The following SYN3 variants were observed in gnomAD, a reference collection of about 807,000 sequenced individuals.
SYN3 encodes synapsin-3.
Under a neutral mutation model 65.8 loss-of-function variants are expected in SYN3, and 35 were observed. The observed-to-expected ratio is 0.53, with a 90% CI of 0.41 to 0.70. SYN3 has a LOEUF of 0.70. Ranked by LOEUF, SYN3 falls within the 30% of genes least tolerant of loss-of-function variation. The pLI is 0.00. For missense variants in SYN3, 680 were observed against 749.0 expected (o/e 0.91, Z 1.08); for synonymous variants, 270 against 292.9 (o/e 0.92, Z 0.80).
In SYN3 at chr22:32,510,212, C is replaced by T. The variant is rs1004014571; in HGVS notation, c.*3480G>A. 6.6e-5 allele frequency among the ~76,000 whole-genome samples: 10 copies of T among 152,180 alleles called. No individual in the cohort carries two copies. Among genetic ancestry groups the T allele is most frequent in the African/African-American group, 2.2e-4 (9 of 41,448 alleles). On this transcript the variant is annotated 3_prime_UTR_variant, in exon 14 of 14. Coordinates refer to ENST00000358763, the MANE Select transcript of SYN3 (RefSeq NM_003490.4). The stretch of plus-strand genomic sequence containing the variant: ...ACTGTTTCTCATGCAGTGGCTTTCC[C>T]ACAGAGCCCAGCTCAGGTTTGCTGG...
At chr22:32,987,277 G>A (rs1270836325) in intron 2 of SYN3, among the ~76,000 whole-genome samples, 2 of 152,124 alleles carry the variant, frequency 1.3e-5, no homozygotes, top group African/African-American at 4.8e-5. Flanking sequence ...GCAGAAGCAG[G>A]GAAGACAACC....
chr22:32,650,209 T>TTTTCTTTTTCTTTCTTTC (rs1290283709), intron 6 of SYN3, among the ~76,000 whole-genome samples: 11 of 138,270 alleles, frequency 8.0e-5, no homozygotes, highest in African/African-American at 1.5e-4. Flanking sequence ...CTCTTTACAC[T>TTTTCTTTTTCTTTCTTTC]TTTCTTTCTC....
At chr22:32,979,541 C>T (rs181314133) in intron 3 of SYN3, among the ~76,000 whole-genome samples, 73 of 152,182 alleles carry the variant, frequency 4.8e-4, no homozygotes, top group East Asian at 1.9e-4. Context: ...ACAGTCATGC[C>T]CCCCATTTTA....
At chr22:32,635,517 G>C (rs2059803526) in intron 6 of SYN3, among the ~76,000 whole-genome samples, 1 of 152,216 alleles carries the variant, frequency 6.6e-6, no homozygotes, top group Non-Finnish European at 1.5e-5. Context: ...ATTGGGGCCA[G>C]ATATTTGAAA....
intron 6 of SYN3, among the ~76,000 whole-genome samples, chr22:32,774,591 T>G (rs552754938): frequency 9.0e-6 from 1 of 111,334 alleles, no homozygotes; most frequent in African/African-American, 3.9e-5. Context: ...GTTTTAAGCA[T>G]TGCACTTTTT....
chr22:32,884,305 T>G (rs111738709), intron 4 of SYN3, among the ~76,000 whole-genome samples: 57 of 152,360 alleles, frequency 3.7e-4, no homozygotes, highest in Non-Finnish European at 5.9e-4. Context: ...ATTGATTGCA[T>G]GTTTAGAGCA....
At chr22:32,853,378 G>T (rs1348208509) in intron 6 of SYN3, among the ~76,000 whole-genome samples, 3 of 152,246 alleles carry the variant, frequency 2.0e-5, no homozygotes, top group African/African-American at 7.2e-5. Flanking sequence ...CCAGCATCCA[G>T]AACAGTGTTG....
At chr22:32,699,899 C>T (rs2060788389) in intron 6 of SYN3, among the ~76,000 whole-genome samples, 1 of 152,082 alleles carries the variant, frequency 6.6e-6, no homozygotes, top group Non-Finnish European at 1.5e-5. Context: ...ACATAGAATT[C>T]CTCTGAATGT....
intron 5 of SYN3, among the ~76,000 whole-genome samples, chr22:32,866,188 G>C (rs2048685227): frequency 6.6e-6 from 1 of 152,146 alleles, no homozygotes; most frequent in African/African-American, 2.4e-5. Context: ...GGTCCCATGT[G>C]GATGCCCAGT....
intron 4 of SYN3, among the ~76,000 whole-genome samples, chr22:32,927,765 A>G (rs976442843): frequency 6.6e-6 from 1 of 152,060 alleles, no homozygotes; most frequent in African/African-American, 2.4e-5. Context: ...AGGTCATTTT[A>G]TTTTTGCCTA....
At chr22:32,523,899 A>G (rs1407323520) in intron 12 of SYN3, among the ~76,000 whole-genome samples, 1 of 152,262 alleles carries the variant, frequency 6.6e-6, no homozygotes, top group African/African-American at 2.4e-5. Context: ...CACAAATGAT[A>G]AGAAATCAAA....
At chr22:32,773,406 CAAAA>C (rs61583056) in intron 6 of SYN3, among the ~76,000 whole-genome samples, 3 of 91,176 alleles carry the variant, frequency 3.3e-5, no homozygotes, top group Admixed American at 1.2e-4. Context: ...GACTCTGTCT[CAAAA>C]AAAAAAAAAA....
chr22:32,625,589 A>C (rs1046580901), intron 6 of SYN3, among the ~76,000 whole-genome samples: 1 of 152,168 alleles, frequency 6.6e-6, no homozygotes, highest in East Asian at 1.9e-4. Context: ...TTCTTCACAC[A>C]TTCAGGCCAT....
At chr22:32,569,561 C>CTATATATATATATA (rs1458371419) in intron 7 of SYN3, among the ~76,000 whole-genome samples, 16 of 51,716 alleles carry the variant, frequency 3.1e-4, no homozygotes, top group Non-Finnish European at 4.4e-4. Flanking sequence ...CTCTCTCTCT[C>CTATATATATATATA]TCTCTCTCTC....
chr22:32,598,151 C>T (rs985678445), intron 6 of SYN3, among the ~76,000 whole-genome samples: 14 of 152,172 alleles, frequency 9.2e-5, no homozygotes, highest in African/African-American at 3.1e-4. Flanking sequence ...ACAGCACTGT[C>T]TGTCCTCTTA....
chr22:32,803,390 G>A (rs183372933), intron 6 of SYN3, among the ~76,000 whole-genome samples: 6 of 152,090 alleles, frequency 3.9e-5, no homozygotes, highest in Middle Eastern at 6.8e-3. Flanking sequence ...GGCACTGCTG[G>A]TGGGCTGGGC....
chr22:32,635,707 G>C (rs2059805896), intron 6 of SYN3, among the ~76,000 whole-genome samples: 1 of 152,186 alleles, frequency 6.6e-6, no homozygotes, highest in Non-Finnish European at 1.5e-5. Flanking sequence ...AGAAAACGCA[G>C]TTTGACGGTT....
In SYN3 at chr22:32,952,299, G is replaced by GGT. The variant is rs142987546; in HGVS notation, c.370-20820_370-20819dup. Among the ~76,000 whole-genome samples the GGT allele has an allele frequency of 2.3e-4, 35 of 150,388 alleles. 1 individual carries two copies. In the South Asian group the frequency reaches 6.6e-3, roughly 28 times the overall value. On this transcript the variant is annotated intron_variant, in intron 3 of 13. Coordinates refer to ENST00000358763, the MANE Select transcript of SYN3 (RefSeq NM_003490.4). Reference sequence around the variant, plus strand: ...CATGTGAATAATGTGTGTGTGGGGGGGTGTGTGTGTGTGTGGACAGGCAGG... The same window carrying GGT: ...CATGTGAATAATGTGTGTGTGGGGGGGTGTGTGTGTGTGTGTGGACAGGCAGG...
chr22:32,856,996 T>C (rs1569279746), intron 6 of SYN3, among the ~76,000 whole-genome samples: 1 of 152,242 alleles, frequency 6.6e-6, no homozygotes, highest in South Asian at 2.1e-4. Flanking sequence ...GATTTCATTC[T>C]TTTTTCTGGA....
Sources: gnomAD v4.1 joint callset for allele counts (sites outside exome capture counted in the v4.1 genomes callset) on GRCh38, gnomAD v4.1.1 for gene constraint, MANE v1.5 for transcripts, NCBI Gene and HGNC (gene_info 2026-07-23, HGNC 2026-07-21) for gene names.